The following NFX1 variants were observed in gnomAD, a reference collection of about 807,000 sequenced individuals.
The protein encoded by NFX1 is transcriptional repressor NF-X1.
In NFX1, 69 loss-of-function variants were observed where a neutral mutation model predicts 137.2. The ratio of observed to expected loss-of-function variants is 0.50; its 90% CI spans 0.41 to 0.61. The LOEUF (loss-of-function observed/expected upper bound fraction) is 0.61, where lower values mean the gene tolerates loss of function less well. Among genes scored for constraint, NFX1 ranks in the 20% least tolerant of loss-of-function variants. The pLI, the probability that NFX1 is intolerant of heterozygous loss-of-function variation, is 0.00. For missense variants in NFX1, 1,167 were observed against 1,391.0 expected, an observed-to-expected ratio of 0.84 and a Z score of 2.56; for synonymous variants, 495 against 474.1, an observed-to-expected ratio of 1.04 and a Z score of -0.57.
chr9:33,355,607 T>G (rs1823782312), intron 19 of NFX1, among the ~76,000 whole-genome samples: 1 of 151,992 alleles, frequency 6.6e-6, no homozygotes, highest in South Asian at 2.1e-4. Context: ...TTGTATTAAC[T>G]GTTAGACTAT....
At chr9:33,328,521 G>A (rs1259831185) in intron 9 of NFX1, 60 bp from the exon 10 acceptor site, 1 of 1,281,868 alleles carries the variant, frequency 7.8e-7, no homozygotes, top group East Asian at 2.3e-5. Context: ...TAGCAAATTT[G>A]GGAGTATGAA....
intron 14 of NFX1, among the ~76,000 whole-genome samples, chr9:33,345,836 A>G (rs1823402111): frequency 1.3e-5 from 2 of 152,160 alleles, no homozygotes; most frequent in African/African-American, 4.8e-5. Context: ...AACTGCTCAG[A>G]TACCAGGCCA....
At chr9:33,348,646 T>C in intron 15 of NFX1, 1 of 535,446 alleles carries the variant, frequency 1.9e-6, no homozygotes, top group South Asian at 8.1e-5. Context: ...ATAGACTTGC[T>C]GGAGACAGGG....
chr9:33,339,195 C>T, intron 12 of NFX1, among the ~76,000 whole-genome samples: 1 of 152,062 alleles, frequency 6.6e-6, no homozygotes, highest in East Asian at 1.9e-4. Context: ...CATTTTCACA[C>T]TGTCAGTAAA....
At chr9:33,347,214 A>G (rs1823455470) in intron 15 of NFX1, 97 bp downstream of exon 15, 3 of 907,694 alleles carry the variant, frequency 3.3e-6, no homozygotes, top group Non-Finnish European at 5.1e-6. Flanking sequence ...AAGTAAATAC[A>G]CTCAGAAGTA....
intron 11 of NFX1, among the ~76,000 whole-genome samples, chr9:33,333,814 G>C (rs954088029): frequency 6.6e-6 from 1 of 152,110 alleles, no homozygotes; most frequent in African/African-American, 2.4e-5. Flanking sequence ...GGTTCAGTGT[G>C]CCATCTGTAT....
At chr9:33,304,313 C>T (rs1821678961) in intron 4 of NFX1, among the ~76,000 whole-genome samples, 1 of 152,140 alleles carries the variant, frequency 6.6e-6, no homozygotes, top group African/African-American at 2.4e-5. Flanking sequence ...TGACTCCTTT[C>T]CAGCCATATC....
In NFX1 at chr9:33,294,865, A is replaced by C; in HGVS notation, c.471A>C (p.Glu157Asp). Reference protein sequence around the residue: ...REHSPSESEKEVVGADPRGAK... With the variant: ...REHSPSESEKDVVGADPRGAK... ...ATAGTCCTTCTGAGAGTGAGAAGGA[A>C]GTTGTGGGTGCAGATCCCAGGGGAG... The change falls in exon 2 of 24, where the codon GAA becomes GAC. Residue 157 changes from glutamate (E) to aspartate (D), a missense_variant. Transcript: ENST00000379540. 1 of 1,614,170 alleles carries C rather than the reference A, an allele frequency of 6.2e-7. No homozygotes were observed.
At chr9:33,329,757 C>G (rs1015357128) in intron 10 of NFX1, among the ~76,000 whole-genome samples, 1 of 151,968 alleles carries the variant, frequency 6.6e-6, no homozygotes, top group African/African-American at 2.4e-5. Flanking sequence ...CTCCCAGATT[C>G]AAGTGATTCT....
At chr9:33,349,740 C>T (rs1391577167) in intron 15 of NFX1, among the ~76,000 whole-genome samples, 1 of 151,848 alleles carries the variant, frequency 6.6e-6, no homozygotes, top group Admixed American at 6.6e-5. Flanking sequence ...GACAGGACTG[C>T]GTGAAGCTGT....
At position 33,294,441 on chromosome 9, in the gene NFX1, A is replaced by T; in HGVS notation, c.47A>T (p.Asp16Val). 1 of 1,585,408 alleles carries T rather than the reference A, an allele frequency of 6.3e-7. No homozygotes were observed. The highest frequency in any genetic ancestry group is 8.6e-7 in the Non-Finnish European group (1 of 1,168,614). The part of the protein sequence containing the change: ...PVSGTFKFNT[D>V]AAEFIPQEKK... Reference sequence around the variant, plus strand: ...CTAGGTACTTTTAAATTCAATACAGATGCTGCTGAATTCATTCCTCAGGAG... The same window carrying T: ...CTAGGTACTTTTAAATTCAATACAGTTGCTGCTGAATTCATTCCTCAGGAG... The change falls in exon 2 of 24, where the codon GAT (aspartate) becomes GTT (valine). Residue 16 changes from aspartate (D) to valine (V), a missense_variant. This residue lies in a region of NFX1 where 367 missense variants were observed against 386.7 expected (regional missense o/e 0.95). Coordinates refer to ENST00000379540, the MANE Select transcript of NFX1 (RefSeq NM_002504.6).
intron 12 of NFX1, among the ~76,000 whole-genome samples, chr9:33,342,357 G>C (rs902027056): frequency 6.6e-6 from 1 of 151,992 alleles, no homozygotes; most frequent in Non-Finnish European, 1.5e-5. Context: ...AGCTACTCAG[G>C]AGGCTGAGGC....
In NFX1 at chr9:33,311,621, C is replaced by T. The variant is rs7039578; in HGVS notation, c.1448+444C>T. Among the ~76,000 whole-genome samples, 931 of 151,788 alleles carry T rather than the reference C, an allele frequency of 6.1e-3. 13 individuals carry two copies. The highest frequency in any genetic ancestry group is 0.021 in the African/African-American group (854 of 41,340). ...ATGCTGGAGTGCAGTGGTGCGATCT[C>T]GGCTCACTGCAACCTCTGCTGCCTG... On this transcript the variant is annotated intron_variant, in intron 6 of 23. Coordinates refer to ENST00000379540, the MANE Select transcript of NFX1 (RefSeq NM_002504.6).
At chr9:33,342,318 C>T (rs541076947) in intron 12 of NFX1, among the ~76,000 whole-genome samples, 8 of 151,146 alleles carry the variant, frequency 5.3e-5, no homozygotes, top group African/African-American at 9.7e-5. Context: ...AAAAATTAGC[C>T]AGGCATGGTG....
chr9:33,358,647 A>ATTTTTT lies in NFX1; in HGVS notation c.2873+3783_2873+3788dup, dbSNP rs61589629. ...GCAAAAAAATTCTGTGAATGGCTTG[A>ATTTTTT]TTTTTTTTTTTTTTTTTTTTTTTTT... On this transcript the variant is annotated intron_variant, in intron 19 of 23. Transcript: ENST00000379540. Among the ~76,000 whole-genome samples, 103 of 48,472 alleles carry ATTTTTT rather than the reference A, an allele frequency of 2.1e-3. 17 individuals carry two copies. The highest frequency in any genetic ancestry group is 3.0e-3 in the African/African-American group (35 of 11,594). 31.8% of individuals were successfully genotyped at this position (48,472 alleles called of 152,430 possible).
chr9:33,310,248 G>T (rs989248894), intron 5 of NFX1, among the ~76,000 whole-genome samples: 17 of 152,140 alleles, frequency 1.1e-4, no homozygotes, highest in African/African-American at 3.1e-4. Flanking sequence ...TGATTAATTA[G>T]TCTTGGCTCT....
chr9:33,291,345 A>C (rs1158592272), intron 1 of NFX1, among the ~76,000 whole-genome samples: 1 of 152,228 alleles, frequency 6.6e-6, no homozygotes, highest in East Asian at 1.9e-4. Context: ...AGTTTCTGGA[A>C]GCAGTGAGGT....
At chr9:33,315,399 G>A (rs1193725606) in intron 7 of NFX1, among the ~76,000 whole-genome samples, 1 of 152,046 alleles carries the variant, frequency 6.6e-6, no homozygotes, top group Non-Finnish European at 1.5e-5. Context: ...AATCGTCCCA[G>A]TTTTTTCTTT....
chr9:33,336,558 A>G (rs539377627), intron 11 of NFX1, among the ~76,000 whole-genome samples: 2 of 152,264 alleles, frequency 1.3e-5, no homozygotes, highest in East Asian at 3.9e-4. Context: ...GAAGTGATAT[A>G]TCACTACCAC....
Sources: gnomAD v4.1 joint callset for allele counts (sites outside exome capture counted in the v4.1 genomes callset) on GRCh38, gnomAD v4.1.1 for gene constraint, gnomAD v4.1.1 regional missense constraint, MANE v1.5 for transcripts, NCBI Gene and HGNC (gene_info 2026-07-23, HGNC 2026-07-21) for gene names.